Variants in FRMPD4 observed in about 807,000 individuals in gnomAD.
FRMPD4 encodes the protein FERM and PDZ domain containing 4.
Under a neutral mutation model 94.1 loss-of-function variants are expected in FRMPD4, and 22 were observed. That is an observed-to-expected ratio of 0.23 (90% CI 0.17 to 0.33). FRMPD4 has a LOEUF of 0.33. FRMPD4 is among the 10% of genes least tolerant of loss of function. The pLI, the probability that FRMPD4 is intolerant of heterozygous loss-of-function variation, is 1.00. For synonymous variants in FRMPD4, 631 were observed against 548.6 expected (o/e 1.15, Z -2.10); for missense variants, 1,111 against 1,339.9 (o/e 0.83, Z 2.67).
intron 1 of FRMPD4, among the ~76,000 whole-genome samples, chrX:12,362,768 G>A (rs1283231274): frequency 1.8e-5 from 2 of 111,797 alleles, no homozygotes; most frequent in Admixed American, 1.9e-4. Flanking sequence ...CTCGATCCTT[G>A]ACGAATCGCC....
chrX:12,315,833 G>A (rs957453705), intron 1 of FRMPD4, among the ~76,000 whole-genome samples: 1 of 111,698 alleles, frequency 9.0e-6, no homozygotes, highest in African/African-American at 3.3e-5. Context: ...GTCCCTCAGG[G>A]AATATTTGGC....
intron 3 of FRMPD4, among the ~76,000 whole-genome samples, chrX:12,004,269 C>A (rs2054539229): frequency 8.9e-6 from 1 of 112,215 alleles, no homozygotes; most frequent in Admixed American, 9.4e-5. Context: ...TACTGCCAAA[C>A]CAAAGCCATG....
At chrX:12,527,369 A>T (rs1200017201) in intron 2 of FRMPD4, among the ~76,000 whole-genome samples, 1 of 110,707 alleles carries the variant, frequency 9.0e-6, no homozygotes, top group Non-Finnish European at 1.9e-5. Flanking sequence ...GTTAATTTAC[A>T]TCTCTGTTTA....
intron 2 of FRMPD4, among the ~76,000 whole-genome samples, chrX:12,573,989 T>C: frequency 8.9e-6 from 1 of 112,601 alleles, no homozygotes; most frequent in East Asian, 2.8e-4. Flanking sequence ...TGTTAAAATA[T>C]AATGAGTTTA....
chrX:11,908,614 A>G (rs2053980621), intron 3 of FRMPD4, among the ~76,000 whole-genome samples: 1 of 111,880 alleles, frequency 8.9e-6, no homozygotes. Context: ...ACTACCACAA[A>G]GTAGCAGTAC....
At chrX:12,630,784 G>C (rs2059388582) in intron 4 of FRMPD4, among the ~76,000 whole-genome samples, 1 of 111,517 alleles carries the variant, frequency 9.0e-6, no homozygotes, top group African/African-American at 3.3e-5. Flanking sequence ...GTCTTTCTTT[G>C]TCACAATTCT....
intron 1 of FRMPD4, among the ~76,000 whole-genome samples, chrX:12,439,749 G>A (rs1390674620): frequency 8.9e-6 from 1 of 112,118 alleles, no homozygotes; most frequent in Non-Finnish European, 1.9e-5. Flanking sequence ...CAGCAGATGT[G>A]ATGTTTCCAT....
intron 3 of FRMPD4, among the ~76,000 whole-genome samples, chrX:12,073,819 C>A (rs2054989878): frequency 8.9e-6 from 1 of 112,233 alleles, no homozygotes; most frequent in Non-Finnish European, 1.9e-5. Flanking sequence ...ATCCTCATGT[C>A]TCGATCTTCC....
chrX:11,969,884 T>C (rs141452252), intron 3 of FRMPD4, among the ~76,000 whole-genome samples: 1,332 of 111,512 alleles, frequency 0.012, 5 homozygotes, highest in South Asian at 0.018. Context: ...TTTGTTTCTC[T>C]CCACTCCCAC....
intron 1 of FRMPD4, among the ~76,000 whole-genome samples, chrX:12,217,778 A>T (rs2056823717): frequency 1.8e-5 from 2 of 112,056 alleles, no homozygotes; most frequent in Non-Finnish European, 3.8e-5. Context: ...CTTTAGCACT[A>T]CCGTAAGACT....
intron 4 of FRMPD4, among the ~76,000 whole-genome samples, chrX:12,647,182 T>G (rs998368305): frequency 1.8e-5 from 2 of 112,112 alleles, no homozygotes; most frequent in African/African-American, 6.5e-5. Context: ...TGATCTTAGT[T>G]TTGGTTCCTT....
intron 1 of FRMPD4, among the ~76,000 whole-genome samples, chrX:11,845,659 C>G (rs759974171): frequency 1.0e-3 from 111 of 110,142 alleles, no homozygotes; most frequent in African/African-American, 3.4e-3. Context: ...AATCCAGCAG[C>G]ACATCAAAAA....
chrX:11,987,889 A>C (rs1478945469), intron 3 of FRMPD4, among the ~76,000 whole-genome samples: 1 of 111,355 alleles, frequency 9.0e-6, no homozygotes, highest in Non-Finnish European at 1.9e-5. Context: ...AAAGAAGTGA[A>C]AGATCTCTGT....
At chrX:11,841,316 C>T (rs979611358) in intron 1 of FRMPD4, among the ~76,000 whole-genome samples, 107 of 110,814 alleles carry the variant, frequency 9.7e-4, no homozygotes, top group African/African-American at 3.2e-3. Flanking sequence ...CCTGAGGAAT[C>T]GCCACACTGA....
At chrX:12,443,124 T>C (rs2057157530) in intron 1 of FRMPD4, among the ~76,000 whole-genome samples, 1 of 111,367 alleles carries the variant, frequency 9.0e-6, no homozygotes, top group African/African-American at 3.3e-5. Flanking sequence ...AGGGTTATTT[T>C]TGGGTTTGAT....
chrX:12,105,619 A>G (rs1442903036), intron 3 of FRMPD4, among the ~76,000 whole-genome samples: 1 of 112,832 alleles, frequency 8.9e-6, no homozygotes, highest in Non-Finnish European at 1.9e-5. Context: ...CATGTTGATG[A>G]TGATAACAAT....
chrX:12,367,640 G>A (rs1437723644), intron 1 of FRMPD4, among the ~76,000 whole-genome samples: 1 of 110,922 alleles, frequency 9.0e-6, no homozygotes, highest in Non-Finnish European at 1.9e-5. Context: ...AGTGTCGGAT[G>A]GTGGCAATAA....
chrX:12,211,300 A>G (rs897953720), intron 1 of FRMPD4, among the ~76,000 whole-genome samples: 3 of 111,969 alleles, frequency 2.7e-5, no homozygotes, highest in Admixed American at 9.4e-5. Flanking sequence ...TCAGACTTGG[A>G]TGTGTCTCCT....
intron 1 of FRMPD4, among the ~76,000 whole-genome samples, chrX:12,363,995 C>T (rs184100542): frequency 1.1e-3 from 128 of 111,556 alleles, no homozygotes; most frequent in Admixed American, 8.8e-3. Flanking sequence ...AAGTTCATTA[C>T]AACCCATAAG....
Sources: gnomAD v4.1 joint callset for allele counts (sites outside exome capture counted in the v4.1 genomes callset) on GRCh38, gnomAD v4.1.1 for gene constraint, MANE v1.5 for transcripts, NCBI Gene and HGNC (gene_info 2026-07-23, HGNC 2026-07-21) for gene names.